CELF4: variants seen among roughly 807,000 people sequenced by gnomAD.
The protein encoded by CELF4 is CUG-BP- and ETR-3-like factor 4.
CELF4 carries 18 observed loss-of-function variants against 59.9 expected under a neutral mutation model. The ratio of observed to expected loss-of-function variants is 0.30; its 90% CI spans 0.21 to 0.45. The LOEUF (loss-of-function observed/expected upper bound fraction) is 0.45. Among genes scored for constraint, CELF4 ranks in the 20% least tolerant of loss-of-function variants. The pLI, the probability that CELF4 is intolerant of heterozygous loss-of-function variation, is 1.00. For synonymous variants in CELF4, 261 were observed against 267.1 expected (o/e 0.98, Z 0.22); for missense variants, 456 against 689.0 (o/e 0.66, Z 3.79).
chr18:37,328,462 T>C (rs771769115), intron 2 of CELF4, among the ~76,000 whole-genome samples: 3 of 152,174 alleles, frequency 2.0e-5, no homozygotes, highest in Non-Finnish European at 2.9e-5. Context: ...TTGGGACGTG[T>C]TGGAGCCTGA....
intron 2 of CELF4, among the ~76,000 whole-genome samples, chr18:37,425,717 C>T (rs924299384): frequency 6.6e-6 from 1 of 152,236 alleles, no homozygotes; most frequent in Non-Finnish European, 1.5e-5. Context: ...CAGGAGCCAG[C>T]TCCCCTGGCA....
intron 3 of CELF4, chr18:37,275,610 C>CA: frequency 3.8e-6 from 1 of 262,618 alleles, no homozygotes; most frequent in Non-Finnish European, 7.4e-6. Flanking sequence ...GCCTGCGTTC[C>CA]CCTCCTCCTT....
At chr18:37,260,240 C>T (rs370626739) in intron 10 of CELF4, among the ~76,000 whole-genome samples, 1 of 152,190 alleles carries the variant, frequency 6.6e-6, no homozygotes, top group African/African-American at 2.4e-5. Flanking sequence ...ATCCCAGATC[C>T]CCTGAACACT....
chr18:37,528,228 A>T (rs2099965920), intron 1 of CELF4, among the ~76,000 whole-genome samples: 1 of 152,244 alleles, frequency 6.6e-6, no homozygotes, highest in Non-Finnish European at 1.5e-5. Flanking sequence ...AGAAAATTTA[A>T]TGGGAGCTTA....
At chr18:37,469,662 C>T (rs1478610978) in intron 2 of CELF4, among the ~76,000 whole-genome samples, 1 of 152,288 alleles carries the variant, frequency 6.6e-6, no homozygotes, top group Middle Eastern at 3.4e-3. Context: ...CCAGATAAAT[C>T]GTTTAATAAG....
chr18:37,371,321 C>T (rs945846263), intron 2 of CELF4, among the ~76,000 whole-genome samples: 1 of 152,174 alleles, frequency 6.6e-6, no homozygotes, highest in Admixed American at 6.5e-5. Flanking sequence ...ATAGTGCCAG[C>T]CCTGGAGCAG....
intron 2 of CELF4, among the ~76,000 whole-genome samples, chr18:37,328,074 A>T (rs531224074): frequency 6.1e-4 from 93 of 152,308 alleles, no homozygotes; most frequent in African/African-American, 2.2e-3. Context: ...GGAGATGGAG[A>T]GAGACTTACT....
intron 2 of CELF4, among the ~76,000 whole-genome samples, chr18:37,370,214 G>A (rs186679529): frequency 6.6e-6 from 1 of 152,136 alleles, no homozygotes; most frequent in African/African-American, 2.4e-5. Flanking sequence ...TGCCTCCTGA[G>A]GGACTAGTTG....
intron 1 of CELF4, among the ~76,000 whole-genome samples, chr18:37,554,713 G>T (rs184177634): frequency 1.3e-5 from 2 of 152,276 alleles, no homozygotes; most frequent in African/African-American, 4.8e-5. Flanking sequence ...CCATTCTGAG[G>T]AGCGCCCAGA....
At chr18:37,446,566 T>C (rs899429803) in intron 2 of CELF4, among the ~76,000 whole-genome samples, 3 of 152,196 alleles carry the variant, frequency 2.0e-5, no homozygotes, top group African/African-American at 7.2e-5. Context: ...CCCCAGTGTG[T>C]AGGGTTAAAT....
Position 37,270,191 on chromosome 18 carries a change from G to GA in CELF4, c.1099+576dup, listed in dbSNP as rs11317608. Among the ~76,000 whole-genome samples, 760 of 152,196 alleles carry GA rather than the reference G, an allele frequency of 5.0e-3. 2 individuals are homozygous for GA. Among genetic ancestry groups the GA allele is most frequent in the East Asian group, 0.016 (81 of 5,166 alleles). ...GATCTTTCCGTGTGCCAGACTATTT[G>GA]AAAAAATAGTCTAGGAGCTGTCCAA... On this transcript the variant is annotated intron_variant, in intron 8 of 12. Coordinates refer to ENST00000420428, the MANE Select transcript of CELF4 (RefSeq NM_020180.4).
chr18:37,409,476 G>A (rs908338231), intron 2 of CELF4, among the ~76,000 whole-genome samples: 1 of 152,210 alleles, frequency 6.6e-6, no homozygotes, highest in Non-Finnish European at 1.5e-5. Context: ...CTGTAAGCAC[G>A]CTCTTCACTG....
chr18:37,499,633 T>G (rs1000157627), intron 1 of CELF4, among the ~76,000 whole-genome samples: 1 of 152,240 alleles, frequency 6.6e-6, no homozygotes, highest in Non-Finnish European at 1.5e-5. Context: ...CCCCTCTGCA[T>G]GCCTCTTGTC....
chr18:37,466,057 C>T (rs953444475), intron 2 of CELF4, among the ~76,000 whole-genome samples: 1 of 152,200 alleles, frequency 6.6e-6, no homozygotes, highest in Non-Finnish European at 1.5e-5. Context: ...TCGCCTCTGC[C>T]ATCCCCCTTT....
chr18:37,474,149 C>G (rs1323715574), intron 2 of CELF4, among the ~76,000 whole-genome samples: 1 of 152,214 alleles, frequency 6.6e-6, no homozygotes, highest in Non-Finnish European at 1.5e-5. Flanking sequence ...GTGCAAAAAA[C>G]CCAAAGTGTT....
intron 3 of CELF4, among the ~76,000 whole-genome samples, chr18:37,311,264 G>A (rs907225047): frequency 6.6e-6 from 1 of 152,172 alleles, no homozygotes; most frequent in Non-Finnish European, 1.5e-5. Context: ...TCGCACCTAT[G>A]GCAGGAGTTA....
At chr18:37,318,519 T>A (rs994055117) in intron 3 of CELF4, among the ~76,000 whole-genome samples, 34 of 148,408 alleles carry the variant, frequency 2.3e-4, no homozygotes, top group African/African-American at 5.4e-4. Flanking sequence ...AACTTTCTTT[T>A]AAAAAAAAAA....
At chr18:37,394,084 C>T (rs1467701056) in intron 2 of CELF4, among the ~76,000 whole-genome samples, 1 of 152,120 alleles carries the variant, frequency 6.6e-6, no homozygotes, top group East Asian at 1.9e-4. Flanking sequence ...CGCTGGGCTC[C>T]GAGACCCGCG....
chr18:37,459,335 T>C (rs1300241705), intron 2 of CELF4, among the ~76,000 whole-genome samples: 2 of 151,492 alleles, frequency 1.3e-5, no homozygotes, highest in East Asian at 3.9e-4. Flanking sequence ...CTGTGTTCTC[T>C]CTCTCCCAGA....
Sources: gnomAD v4.1 joint callset for allele counts (sites outside exome capture counted in the v4.1 genomes callset) on GRCh38, gnomAD v4.1.1 for gene constraint, MANE v1.5 for transcripts, NCBI Gene and HGNC (gene_info 2026-07-23, HGNC 2026-07-21) for gene names.